ARHGEF9: variants seen among roughly 807,000 people sequenced by gnomAD.
ARHGEF9 encodes the protein Cdc42 guanine nucleotide exchange factor 9.
A neutral mutation model predicts 41.3 loss-of-function variants in ARHGEF9; 2 were observed. The ratio of observed to expected loss-of-function variants is 0.05; its 90% CI spans 0.02 to 0.15. The LOEUF (loss-of-function observed/expected upper bound fraction) is 0.15, where lower values mean the gene tolerates loss of function less well. ARHGEF9 is among the 10% of genes least tolerant of loss of function. The pLI is 1.00. For synonymous variants in ARHGEF9, 160 were observed against 154.4 expected (o/e 1.04, Z -0.27); for missense variants, 225 against 424.7 (o/e 0.53, Z 4.13).
chrX:63,737,886 G>A (rs1207059559), intron 1 of ARHGEF9, among the ~76,000 whole-genome samples: 2 of 112,136 alleles, frequency 1.8e-5, no homozygotes, highest in Non-Finnish European at 3.8e-5. Context: ...ATCTACTGGC[G>A]CTGGTCCAGT....
Position 63,748,052 on chromosome X carries a change from C to A in ARHGEF9, c.31-23341G>T, listed in dbSNP as rs782312846. Among the ~76,000 whole-genome samples, 3 of 112,237 alleles carry A rather than the reference C, an allele frequency of 2.7e-5. No homozygotes were observed. In the South Asian group the frequency reaches 1.1e-3, roughly 42 times the overall value. On this transcript the variant is annotated intron_variant, in intron 1 of 9. Coordinates refer to ENST00000671741, the MANE Select transcript of ARHGEF9 (RefSeq NM_001353921.2). ...CAGTTTGGCAGATGCTTGCTATGAA[C>A]CTAGCATATCTTGATGCCCACAAAG... is the stretch of plus-strand genomic sequence containing the variant.
chrX:63,649,828 T>C (rs1246254279), intron 8 of ARHGEF9, among the ~76,000 whole-genome samples: 2 of 111,579 alleles, frequency 1.8e-5, no homozygotes, highest in African/African-American at 3.2e-5. Flanking sequence ...GCAAATAAAC[T>C]AGAAAATCTA....
chrX:63,734,275 G>T (rs1456337741), intron 1 of ARHGEF9, among the ~76,000 whole-genome samples: 1 of 112,241 alleles, frequency 8.9e-6, no homozygotes, highest in Non-Finnish European at 1.9e-5. Flanking sequence ...GGCCAACCTA[G>T]ATGATGTTGG....
chrX:63,740,674 C>T (rs1556425829), intron 1 of ARHGEF9, among the ~76,000 whole-genome samples: 2 of 111,450 alleles, frequency 1.8e-5, no homozygotes, highest in Non-Finnish European at 3.8e-5. Context: ...CCAACTGAGG[C>T]TCTGAGGATG....
chrX:63,647,720 T>G (rs1262061825), intron 8 of ARHGEF9, among the ~76,000 whole-genome samples: 4 of 111,350 alleles, frequency 3.6e-5, no homozygotes, highest in Admixed American at 1.9e-4. Flanking sequence ...TGCCAGGCTT[T>G]GGTATCAGGA....
chrX:63,712,099 G>T, intron 2 of ARHGEF9, among the ~76,000 whole-genome samples: 1 of 112,043 alleles, frequency 8.9e-6, no homozygotes, highest in East Asian at 2.8e-4. Context: ...TAGAATGGCT[G>T]TAATAATTTA....
At chrX:63,666,758 A>G (rs1482967355) in intron 6 of ARHGEF9, among the ~76,000 whole-genome samples, 2 of 111,634 alleles carry the variant, frequency 1.8e-5, no homozygotes, top group African/African-American at 6.5e-5. Context: ...TAACTGCCAC[A>G]TGATTCCTTG....
intron 2 of ARHGEF9, among the ~76,000 whole-genome samples, chrX:63,707,960 A>C (rs1456283755): frequency 8.9e-6 from 1 of 111,936 alleles, no homozygotes; most frequent in Non-Finnish European, 1.9e-5. Flanking sequence ...TATACAGCCA[A>C]ATTTGCAAAA....
chrX:63,635,296 G>A lies in ARHGEF9; in HGVS notation c.*2732C>T. 1.9e-6 allele frequency: 1 copy of A among 517,170 alleles called. No individual in the cohort carries two copies. Among genetic ancestry groups the A allele is most frequent in the African/African-American group, 2.3e-5 (1 of 42,621 alleles). 42.6% of individuals were successfully genotyped at this position (517,170 alleles called of 1,213,427 possible). ...ATACACATAGAGAGGGGGGGAAAAA[G>A]AGAGAATAATTAGATGTCTGTCTTA... On this transcript the variant is annotated 3_prime_UTR_variant, in exon 10 of 10. Transcript: ENST00000671741.
At chrX:63,648,093 C>T (rs1489781795) in intron 8 of ARHGEF9, among the ~76,000 whole-genome samples, 4 of 111,069 alleles carry the variant, frequency 3.6e-5, no homozygotes, top group African/African-American at 1.3e-4. Context: ...TCAGGAAATA[C>T]AGAGAACACC....
In ARHGEF9 at chrX:63,637,178, A is replaced by C. The variant is rs2047350051; in HGVS notation, c.*850T>G. 3 of 297,858 alleles carry C rather than the reference A, an allele frequency of 1.0e-5. No homozygotes were observed. The East Asian group carries it at 1.4e-4, about 14-fold the overall frequency. 24.5% of individuals were successfully genotyped at this position (297,858 alleles called of 1,213,427 possible). On this transcript the variant is annotated 3_prime_UTR_variant, in exon 10 of 10. Transcript: ENST00000671741. Reference sequence around the variant, plus strand: ...AATTGCAACGACCCAGAAGTGCTGCAACATGGGAAACCCCAGTGATAGAAG... The same window carrying C: ...AATTGCAACGACCCAGAAGTGCTGCCACATGGGAAACCCCAGTGATAGAAG...
At chrX:63,640,069 A>C (rs1259478193) in intron 9 of ARHGEF9, 1 of 111,992 alleles carries the variant, frequency 8.9e-6, no homozygotes, top group Non-Finnish European at 1.9e-5. Flanking sequence ...AACAGTAGTT[A>C]ACAATAATTT....
intron 1 of ARHGEF9, among the ~76,000 whole-genome samples, chrX:63,748,547 T>A (rs1273166060): frequency 8.9e-6 from 1 of 111,879 alleles, no homozygotes; most frequent in Non-Finnish European, 1.9e-5. Flanking sequence ...AACCCTGAAG[T>A]GGCCAACTTC....
chrX:63,650,284 C>T (rs1569434726), intron 8 of ARHGEF9, among the ~76,000 whole-genome samples: 1 of 111,287 alleles, frequency 9.0e-6, no homozygotes, highest in Non-Finnish European at 1.9e-5. Context: ...ACCTAAATGC[C>T]CATCAGTGGA....
rs367930464 is a variant in ARHGEF9 at position 63,777,593 on chromosome X, G to A, written c.30+7523C>T. Reference sequence around the variant, plus strand: ...CAAGGCAAGTCCCTTCTGCCTATGAGCCTGGAAAATAAAAAGCAAGTTAGT... The same window carrying A: ...CAAGGCAAGTCCCTTCTGCCTATGAACCTGGAAAATAAAAAGCAAGTTAGT... On this transcript the variant is annotated intron_variant, in intron 1 of 9. Coordinates refer to ENST00000671741, the MANE Select transcript of ARHGEF9 (RefSeq NM_001353921.2). Among the ~76,000 whole-genome samples, 3 of 112,117 alleles carry A rather than the reference G, an allele frequency of 2.7e-5. No homozygotes were observed. In the East Asian group the frequency reaches 8.4e-4, roughly 31 times the overall value.
intron 1 of ARHGEF9, among the ~76,000 whole-genome samples, chrX:63,774,545 C>T (rs1299496927): frequency 9.0e-6 from 1 of 111,518 alleles, no homozygotes; most frequent in African/African-American, 3.3e-5. Flanking sequence ...GCTCCAGCCA[C>T]ACCAGAACAC....
At chrX:63,705,367 G>T (rs1468229573) in intron 3 of ARHGEF9, among the ~76,000 whole-genome samples, 1 of 106,683 alleles carries the variant, frequency 9.4e-6, no homozygotes, top group Non-Finnish European at 1.9e-5. Flanking sequence ...ATGTGTGTGT[G>T]TGTGTGTGTG....
intron 1 of ARHGEF9, among the ~76,000 whole-genome samples, chrX:63,735,704 T>G (rs2054577234): frequency 9.0e-6 from 1 of 111,601 alleles, no homozygotes; most frequent in Non-Finnish European, 1.9e-5. Flanking sequence ...ATATTTCAAT[T>G]AACTGAAACC....
Position 63,636,990 on chromosome X carries a change from G to A in ARHGEF9, c.*1038C>T. The A allele has an allele frequency of 3.4e-6, 1 of 297,240 alleles. No homozygotes were observed. The highest frequency in any genetic ancestry group is 5.9e-6 in the Non-Finnish European group (1 of 170,278). The allele number at this position is 297,240 out of a possible 1,213,427, so 24.5% of individuals were successfully genotyped here. A position where few individuals can be genotyped will look rare whatever the true frequency, so the allele number is the denominator to read the frequency against. ...GAGATCACTGCCCTAAACCTATCTG[G>A]TACTAGGGGGCAGGTAAATCCCTCT... On this transcript the variant is annotated 3_prime_UTR_variant, in exon 10 of 10. Coordinates refer to ENST00000671741, the MANE Select transcript of ARHGEF9 (RefSeq NM_001353921.2).
Sources: allele counts gnomAD v4.1 joint callset (sites outside exome capture counted in the v4.1 genomes callset), GRCh38; gene constraint gnomAD v4.1.1; transcripts MANE v1.5; gene names NCBI Gene and HGNC (gene_info 2026-07-23, HGNC 2026-07-21).